HYDIN: variants seen among roughly 807,000 people sequenced by gnomAD.
The protein encoded by HYDIN is axonemal central pair apparatus protein HYDIN.
Under a neutral mutation model 403.9 loss-of-function variants are expected in HYDIN, and 132 were observed. The observed-to-expected ratio is 0.33, with a 90% CI of 0.28 to 0.38. The LOEUF (loss-of-function observed/expected upper bound fraction) is 0.38, where lower values mean the gene tolerates loss of function less well. Among genes scored for constraint, HYDIN ranks in the 10% least tolerant of loss-of-function variants. The probability of loss-of-function intolerance (pLI) is 1.00; values close to 1 mark genes in which losing one functional copy is unlikely to be tolerated. For synonymous variants in HYDIN, 1,202 were observed against 1,891.7 expected (o/e 0.64, Z 9.46); for missense variants, 2,827 against 5,009.5 (o/e 0.56, Z 13.15).
At chr16:71,022,580 G>A (rs1299350330) in intron 21 of HYDIN, among the ~76,000 whole-genome samples, 3 of 151,884 alleles carry the variant, frequency 2.0e-5, no homozygotes, top group Non-Finnish European at 4.4e-5. Context: ...CAGATAATTG[G>A]ATGTTATACA....
chr16:70,986,717 GC>G (rs1211355079), intron 27 of HYDIN, among the ~76,000 whole-genome samples: 1 of 141,204 alleles, frequency 7.1e-6, no homozygotes, highest in African/African-American at 2.7e-5. Flanking sequence ...TTATATTATG[GC>G]AAAGACTATC....
chr16:70,890,282 C>T lies in HYDIN; in HGVS notation c.9657-578G>A, dbSNP rs1458584390. On this transcript the variant is annotated intron_variant, in intron 57 of 85. Transcript: ENST00000393567. ...CTTTTGAGAATTTTATATATTCAAG[C>T]ATTCACTTGCTTAATGACCAGAACA... Among the ~76,000 whole-genome samples the T allele has an allele frequency of 3.3e-5, 5 of 152,316 alleles. No homozygotes were observed. In the East Asian group the frequency reaches 5.8e-4, roughly 18 times the overall value.
chr16:70,825,306 G>A (rs1567661551), intron 83 of HYDIN, among the ~76,000 whole-genome samples: 1 of 151,178 alleles, frequency 6.6e-6, no homozygotes, highest in South Asian at 2.1e-4. Flanking sequence ...TTGCTCTAAT[G>A]TATTTAGATG....
intron 37 of HYDIN, among the ~76,000 whole-genome samples, chr16:70,963,295 T>C (rs547260067): frequency 3.4e-4 from 51 of 151,316 alleles, no homozygotes; most frequent in African/African-American, 1.2e-3. Context: ...ATGGGCTTAA[T>C]GGTGTCCTTT....
At chr16:71,170,129 CA>C (rs1282340930) in intron 5 of HYDIN, among the ~76,000 whole-genome samples, 1 of 152,160 alleles carries the variant, frequency 6.6e-6, no homozygotes, top group East Asian at 1.9e-4. Flanking sequence ...TCCCTAATCA[CA>C]ACCCATCAGG....
At chr16:71,130,481 T>TTTG (rs1568200413) in intron 8 of HYDIN, among the ~76,000 whole-genome samples, 1 of 134,546 alleles carries the variant, frequency 7.4e-6, no homozygotes, top group African/African-American at 2.9e-5. Context: ...TTTTTTTTTT[T>TTTG]TTTTTTTTTT....
At chr16:71,173,407 G>A (rs1469514702) in intron 5 of HYDIN, among the ~76,000 whole-genome samples, 1 of 152,190 alleles carries the variant, frequency 6.6e-6, no homozygotes, top group Non-Finnish European at 1.5e-5. Context: ...ACACAGTGAA[G>A]CAATAATCCT....
intron 83 of HYDIN, among the ~76,000 whole-genome samples, chr16:70,822,028 T>C (rs1312130599): frequency 6.6e-6 from 1 of 152,252 alleles, no homozygotes; most frequent in African/African-American, 2.4e-5. Context: ...ACACAACATC[T>C]ACTCTGCAGC....
intron 1 of HYDIN, among the ~76,000 whole-genome samples, chr16:71,205,569 A>C (rs2088253034): frequency 6.6e-6 from 1 of 152,236 alleles, no homozygotes; most frequent in African/African-American, 2.4e-5. Flanking sequence ...CCACAGCTCC[A>C]ACAGAGGCCA....
Position 71,158,593 on chromosome 16 carries a change from G to GA in HYDIN, c.716+3937dup, listed in dbSNP as rs11364504. 1.7e-3 allele frequency among the ~76,000 whole-genome samples: 211 copies of GA among 126,400 alleles called. 3 individuals carry two copies. In the East Asian group the frequency reaches 0.027, roughly 16 times the overall value. 82.9% of individuals were successfully genotyped at this position (126,400 alleles called of 152,430 possible). A position where few individuals can be genotyped will look rare whatever the true frequency, so the allele number is the denominator to read the frequency against. On this transcript the variant is annotated intron_variant, in intron 6 of 85. Coordinates refer to ENST00000393567, the MANE Select transcript of HYDIN (RefSeq NM_001270974.2). ...CCTTAGGTAGATTCTTTTTTTCATA[G>GA]AAAAAAAAAAATACCATTGTAACAG...
chr16:70,943,222 GA>G (rs1180829944), intron 42 of HYDIN, among the ~76,000 whole-genome samples: 5 of 151,466 alleles, frequency 3.3e-5, no homozygotes, highest in South Asian at 2.1e-4. Context: ...AATTCTTATG[GA>G]AAAAAAATTA....
intron 84 of HYDIN, among the ~76,000 whole-genome samples, chr16:70,810,927 C>G (rs2035455693): frequency 1.3e-5 from 2 of 152,064 alleles, no homozygotes; most frequent in Admixed American, 1.3e-4. Context: ...TCCAGAAATG[C>G]ATATATAGTA....
chr16:70,920,583 G>T lies in HYDIN; in HGVS notation c.7785+8C>A, dbSNP rs1311837974. 3 of 1,604,492 alleles carry T rather than the reference G, an allele frequency of 1.9e-6. No homozygotes were observed. The highest frequency in any genetic ancestry group is 2.2e-5 in the East Asian group (1 of 44,820). On this transcript the variant is annotated splice_region_variant and intron_variant, in intron 46 of 85. Transcript: ENST00000393567. Reference sequence around the variant, plus strand: ...TGAGACTTCCCCACCCTGGAGGAGAGTCCATACCTGCTCTCCTTTGGGAAG... The same window carrying T: ...TGAGACTTCCCCACCCTGGAGGAGATTCCATACCTGCTCTCCTTTGGGAAG...
rs1184106713 is a variant in HYDIN at position 70,807,968 on chromosome 16, G to A, written c.14978C>T (p.Pro4993Leu). Reference sequence around the variant, plus strand: ...GCCCTTGGTCTCACCCAGGTGGCTGGGCTCGAATAAGACTTCCACACTGGC... The same window carrying A: ...GCCCTTGGTCTCACCCAGGTGGCTGAGCTCGAATAAGACTTCCACACTGGC... ...TEASVEVLFE[P>L]SHLGETKGIL... The change falls in exon 86 of 86, where the codon CCC becomes CTC. Residue 4993 changes from proline to leucine, a missense_variant. Coordinates refer to ENST00000393567, the MANE Select transcript of HYDIN (RefSeq NM_001270974.2). The A allele has an allele frequency of 2.5e-6, 4 of 1,614,008 alleles. No individual in the cohort carries two copies. The African/African-American group carries it at 5.3e-5, about 22-fold the overall frequency.
At chr16:70,909,522 GC>G (rs1402559133) in intron 47 of HYDIN, among the ~76,000 whole-genome samples, 1 of 149,764 alleles carries the variant, frequency 6.7e-6, no homozygotes, top group African/African-American at 2.5e-5. Context: ...AAGATACCTT[GC>G]AGACATGATG....
rs1404321634 is a variant in HYDIN at position 70,921,187 on chromosome 16, T to C, written c.7189A>G (p.Met2397Val). The stretch of plus-strand genomic sequence containing the variant: ...GATATTTTCCTTTCGATTGTCTCCA[T>C]CTTGACATCCACTTTGGTGAGCGGA... Reference protein sequence around the residue: ...VPPLTKVDVKMETIERKISVR... With the variant: ...VPPLTKVDVKVETIERKISVR... The change falls in exon 46 of 86, where the codon ATG (methionine) becomes GTG (valine). Residue 2397 changes from methionine to valine, a missense_variant. Met to Val is a conservative substitution (Grantham distance 21, BLOSUM62 1). Coordinates refer to ENST00000393567, the MANE Select transcript of HYDIN (RefSeq NM_001270974.2). The C allele has an allele frequency of 4.2e-6, 6 of 1,444,142 alleles. No individual in the cohort carries two copies. The highest frequency in any genetic ancestry group is 4.3e-5 in the Admixed American group (2 of 46,794). The allele number at this position is 1,444,142 out of a possible 1,614,324, so 89.5% of individuals were successfully genotyped here.
chr16:70,911,714 T>C (rs2076701987), intron 47 of HYDIN, among the ~76,000 whole-genome samples: 1 of 152,198 alleles, frequency 6.6e-6, no homozygotes, highest in East Asian at 1.9e-4. Flanking sequence ...ATGGTCATTT[T>C]CACAATATTG....
rs988607775 is a variant in HYDIN at position 71,064,692 on chromosome 16, G to A, written c.2211+13C>T. ...AAGAATAATTAATACTGAAGAAGGA[G>A]AAAGGAACTCACCTGAGGCTGGACC... On this transcript the variant is annotated intron_variant, in intron 16 of 85. Transcript: ENST00000393567. The A allele has an allele frequency of 8.1e-6, 13 of 1,608,528 alleles. No homozygotes were observed. The highest frequency in any genetic ancestry group is 1.1e-5 in the Non-Finnish European group (13 of 1,178,462).
chr16:70,980,458 A>G (rs2079012991), intron 29 of HYDIN, among the ~76,000 whole-genome samples: 1 of 150,656 alleles, frequency 6.6e-6, no homozygotes, highest in African/African-American at 2.4e-5. Flanking sequence ...GTGAGCTCTG[A>G]TTGCACCACT....
Sources: gnomAD v4.1 joint callset for allele counts (sites outside exome capture counted in the v4.1 genomes callset) on GRCh38, gnomAD v4.1.1 for gene constraint, MANE v1.5 for transcripts, NCBI Gene and HGNC (gene_info 2026-07-23, HGNC 2026-07-21) for gene names.